ARID1B: variants seen among roughly 807,000 people sequenced by gnomAD.
The protein encoded by ARID1B is AT-rich interaction domain 1B, also known as AT-rich interactive domain-containing protein 1B.
In ARID1B, 30 loss-of-function variants were observed where a neutral mutation model predicts 212.3. That is an observed-to-expected ratio of 0.14 (90% CI 0.11 to 0.19). ARID1B has a LOEUF of 0.19. Among genes scored for constraint, ARID1B ranks in the 10% least tolerant of loss-of-function variants. ARID1B has a pLI of 1.00. For missense variants in ARID1B, 2,891 were observed against 3,204.0 expected, an observed-to-expected ratio of 0.90 and a Z score of 2.36; for synonymous variants, 1,402 against 1,301.7, an observed-to-expected ratio of 1.08 and a Z score of -1.66.
At chr6:156,902,717 C>T (rs141175348) in intron 3 of ARID1B, among the ~76,000 whole-genome samples, 1,255 of 116,120 alleles carry the variant, frequency 0.011, 14 homozygotes, top group Middle Eastern at 0.016. Context: ...AGCCTTGCAA[C>T]AGAGTGAGAC....
chr6:157,035,720 T>A (rs1307098888), intron 4 of ARID1B, among the ~76,000 whole-genome samples: 2 of 152,208 alleles, frequency 1.3e-5, no homozygotes, highest in Admixed American at 6.5e-5. Context: ...TCCCTAATGG[T>A]AGTATCTTTC....
chr6:156,991,364 G>A (rs546174023), intron 4 of ARID1B, among the ~76,000 whole-genome samples: 1 of 152,236 alleles, frequency 6.6e-6, no homozygotes, highest in East Asian at 1.9e-4. Flanking sequence ...CCAAGTAGCT[G>A]GGATTACAGG....
chr6:156,952,315 G>A (rs1793647002), intron 4 of ARID1B, among the ~76,000 whole-genome samples: 1 of 152,216 alleles, frequency 6.6e-6, no homozygotes, highest in South Asian at 2.1e-4. Context: ...TAGCTTAATA[G>A]TTAGGATGAT....
rs1487267556 is a variant in ARID1B, at chr6:156,779,043, C to G, written c.1363C>G (p.Arg455Gly). 2.4e-6 allele frequency: 3 copies of G among 1,226,846 alleles called. No homozygotes were observed. The highest frequency in any genetic ancestry group is 3.2e-5 in the African/African-American group (2 of 62,282). The allele number at this position is 1,226,846 out of a possible 1,614,324, so 76.0% of individuals were successfully genotyped here. A position where few individuals can be genotyped will look rare whatever the true frequency, so the allele number is the denominator to read the frequency against. Residue 455 changes from arginine to glycine, a missense_variant, in exon 1 of 20, where the codon CGG becomes GGG. Physicochemically the swap from Arg to Gly is moderately radical, Grantham distance 125. This residue lies in a region of ARID1B where 1,643 missense variants were observed against 1,544.0 expected (regional missense o/e 1.06). Coordinates refer to ENST00000636930, the MANE Select transcript of ARID1B (RefSeq NM_001374828.1). ...GGGGTACGGGGTGCTGAGCTCCCCC[C>G]GGCAGCAGGGCGGCGGCATGATGAT... ...SAGYGVLSSP[R>G]QQGGGMMMGP... is the part of the protein sequence containing the mutation.
intron 5 of ARID1B, among the ~76,000 whole-genome samples, chr6:157,085,475 T>C (rs1784906725): frequency 6.6e-6 from 1 of 152,228 alleles, no homozygotes; most frequent in Admixed American, 6.5e-5. Flanking sequence ...ATTTCACTTG[T>C]CATGCATCGC....
chr6:156,893,016 A>G (rs1788060993), intron 2 of ARID1B, among the ~76,000 whole-genome samples: 1 of 147,790 alleles, frequency 6.8e-6, no homozygotes, highest in Non-Finnish European at 1.5e-5. Context: ...AAACAAAGCT[A>G]TAAAACTCTT....
intron 4 of ARID1B, among the ~76,000 whole-genome samples, chr6:157,058,745 G>GGCAGAC (rs1783137044): frequency 6.6e-6 from 1 of 152,224 alleles, no homozygotes; most frequent in Non-Finnish European, 1.5e-5. Flanking sequence ...CACTAGCGGT[G>GGCAGAC]GCAGACGTGG....
intron 2 of ARID1B, among the ~76,000 whole-genome samples, chr6:156,898,707 C>T (rs546339632): frequency 2.4e-3 from 368 of 152,304 alleles, no homozygotes; most frequent in African/African-American, 8.4e-3. Context: ...TGCGGTGACT[C>T]ACATCTGTAA....
chr6:157,029,570 C>T (rs890505976), intron 4 of ARID1B, among the ~76,000 whole-genome samples: 12 of 152,146 alleles, frequency 7.9e-5, no homozygotes, highest in African/African-American at 2.9e-4. Context: ...AAGAAAATCT[C>T]AGGTGATTAT....
rs147444658 is a variant in ARID1B at position 157,207,228 on chromosome 6, C to G, written c.6456C>G (p.Ala2152=). 2.8e-5 allele frequency: 46 copies of G among 1,614,154 alleles called. No individual in the cohort carries two copies. In the Middle Eastern group the frequency reaches 1.2e-3, roughly 41 times the overall value. ...VLRDNTLVTL[A]NISGQLDLSA... ...GGGATAACACGTTGGTCACGTTGGCCAACATTTCCGGGCAGCTAGACTTGT... is the reference window on the plus strand; with the variant it reads ...GGGATAACACGTTGGTCACGTTGGCGAACATTTCCGGGCAGCTAGACTTGT... Residue 2152 remains alanine, a synonymous_variant, in exon 20 of 20, where the codon GCC becomes GCG. Coordinates refer to ENST00000636930, the MANE Select transcript of ARID1B (RefSeq NM_001374828.1). This position sits in a 1 kb window ranked among gnomAD's most constrained non-coding sequence, Gnocchi z 8.5.
intron 4 of ARID1B, among the ~76,000 whole-genome samples, chr6:156,945,953 G>T (rs566807240): frequency 1.1e-4 from 16 of 152,268 alleles, no homozygotes; most frequent in African/African-American, 3.4e-4. Flanking sequence ...AGGCTGCAGT[G>T]AGCAGTGATC....
intron 5 of ARID1B, chr6:157,107,876 G>A (rs1255579888): frequency 6.6e-6 from 1 of 152,124 alleles, no homozygotes; most frequent in Admixed American, 6.6e-5. Flanking sequence ...AATTTTGAAG[G>A]TGTTTATTGA....
At chr6:157,051,731 C>T (rs991603754) in intron 4 of ARID1B, among the ~76,000 whole-genome samples, 1 of 152,156 alleles carries the variant, frequency 6.6e-6, no homozygotes, top group African/African-American at 2.4e-5. Context: ...AGAGAGTGTA[C>T]AGATGATTCT....
Position 157,004,890 on chromosome 6 carries a change from C to CTTTTTTGTT in ARID1B, c.2247+69320_2247+69321insGTTTTTTTT, listed in dbSNP as rs1779118895. ...GCATTTCTTTTTTCTTTTTCTTCTT[C>CTTTTTTGTT]TTTTTTCTTTTTTTTTTTTTTTTTT... On this transcript the variant is annotated intron_variant, in intron 4 of 19. Coordinates refer to ENST00000636930, the MANE Select transcript of ARID1B (RefSeq NM_001374828.1). 7.8e-4 allele frequency among the ~76,000 whole-genome samples: 28 copies of CTTTTTTGTT among 35,690 alleles called. 3 individuals carry two copies. Among genetic ancestry groups the CTTTTTTGTT allele is most frequent in the South Asian group, 1.9e-3 (1 of 532 alleles). The allele number at this position is 35,690 out of a possible 152,430, so 23.4% of individuals were successfully genotyped here. A position where few individuals can be genotyped will look rare whatever the true frequency, so the allele number is the denominator to read the frequency against.
chr6:156,990,058 G>A (rs973821382), intron 4 of ARID1B, among the ~76,000 whole-genome samples: 5 of 152,042 alleles, frequency 3.3e-5, no homozygotes, highest in African/African-American at 9.7e-5. Flanking sequence ...TTCTCTTACC[G>A]GACTTACTAT....
intron 4 of ARID1B, among the ~76,000 whole-genome samples, chr6:156,951,930 A>G (rs1019716835): frequency 1.3e-5 from 2 of 152,254 alleles, no homozygotes; most frequent in Admixed American, 6.5e-5. Context: ...ATTAGGTGTC[A>G]TGCCACATAA....
chr6:157,174,200 G>T, intron 10 of ARID1B, 83 bp downstream of exon 10: 2 of 1,258,132 alleles, frequency 1.6e-6, no homozygotes, highest in Non-Finnish European at 2.3e-6. Context: ...GGTGTTGGCC[G>T]ACACTTTTTT....
rs182885021 is a variant in ARID1B, at chr6:157,146,557, A to C, written c.2762-2067A>C. ...TTCTCTCTTGCACTTTTCACATTGC[A>C]TGCTTTGTTTTGCTTTTATCCTTTT... On this transcript the variant is annotated intron_variant, in intron 7 of 19. Transcript: ENST00000636930. 3.9e-5 allele frequency among the ~76,000 whole-genome samples: 6 copies of C among 152,288 alleles called. No homozygotes were observed. The East Asian group carries it at 1.2e-3, about 29-fold the overall frequency.
chr6:156,996,666 GT>G (rs762108658), intron 4 of ARID1B, among the ~76,000 whole-genome samples: 1 of 152,188 alleles, frequency 6.6e-6, no homozygotes, highest in Admixed American at 6.5e-5. Context: ...TGCATTTTGG[GT>G]TTTTTTGGAA....
Sources: allele counts gnomAD v4.1 joint callset (sites outside exome capture counted in the v4.1 genomes callset), GRCh38; gene constraint gnomAD v4.1.1; regional missense constraint gnomAD v4.1.1; non-coding constraint Gnocchi (gnomAD v3.1); transcripts MANE v1.5; gene names NCBI Gene and HGNC (gene_info 2026-07-23, HGNC 2026-07-21).